CASK: variants seen among roughly 807,000 people sequenced by gnomAD.
CASK encodes calcium/calmodulin dependent serine protein kinase.
In CASK, 4 loss-of-function variants were observed where a neutral mutation model predicts 82.9. The observed-to-expected ratio is 0.05, with a 90% confidence interval of 0.02 to 0.11. CASK has a LOEUF of 0.11. CASK is among the 10% of genes least tolerant of loss of function. The pLI is 1.00. For missense variants in CASK, 358 were observed against 720.9 expected (o/e 0.50, Z 5.76); for synonymous variants, 259 against 253.5 (o/e 1.02, Z -0.20).
chrX:41,788,859 A>G (rs1416285007), intron 2 of CASK, among the ~76,000 whole-genome samples: 1 of 111,855 alleles, frequency 8.9e-6, no homozygotes, highest in Non-Finnish European at 1.9e-5. Context: ...TGTAATAATC[A>G]GTTAAAATTA....
intron 14 of CASK, chrX:41,584,735 C>G (rs2065632757): frequency 9.0e-6 from 1 of 111,300 alleles, no homozygotes; most frequent in African/African-American, 3.3e-5. Flanking sequence ...CGGATGGGTA[C>G]TGGTCAGTGG....
chrX:41,910,991 C>A (rs1459352741), intron 1 of CASK, among the ~76,000 whole-genome samples: 1 of 111,636 alleles, frequency 9.0e-6, no homozygotes, highest in East Asian at 2.8e-4. Flanking sequence ...TACATTCTCA[C>A]TTTAACCTGT....
intron 5 of CASK, among the ~76,000 whole-genome samples, chrX:41,724,737 C>T (rs1453253593): frequency 1.8e-5 from 2 of 111,886 alleles, no homozygotes; most frequent in East Asian, 5.6e-4. Context: ...GAGAGTCCTA[C>T]AGAGACTCAA....
chrX:41,904,310 T>C lies in CASK; in HGVS notation c.59+18620A>G, dbSNP rs191749601. On this transcript the variant is annotated intron_variant, in intron 1 of 26. Transcript: ENST00000378163. ...TCCAATGCAATATACATCATTCTAC[T>C]AGAATAAGTGAATCTAGCAAAGTTG... Among the ~76,000 whole-genome samples, 13 of 111,912 alleles carry C rather than the reference T, an allele frequency of 1.2e-4. 1 individual carries two copies. In the Admixed American group the frequency reaches 1.2e-3, roughly 11 times the overall value.
chrX:41,806,033 T>C (rs1420363425), intron 2 of CASK, among the ~76,000 whole-genome samples: 4 of 111,469 alleles, frequency 3.6e-5, no homozygotes, highest in African/African-American at 1.3e-4. Context: ...TCTTATGAGG[T>C]ACAGACATTA....
intron 1 of CASK, among the ~76,000 whole-genome samples, chrX:41,901,305 C>T (rs1276444169): frequency 9.1e-6 from 1 of 110,473 alleles, no homozygotes; most frequent in African/African-American, 3.3e-5. Context: ...CTTGTCTCTA[C>T]AAAAAATACA....
At chrX:41,824,796 C>A (rs955879837) in intron 2 of CASK, among the ~76,000 whole-genome samples, 6 of 111,426 alleles carry the variant, frequency 5.4e-5, no homozygotes, top group African/African-American at 1.6e-4. Flanking sequence ...TTTTCTTCAA[C>A]AAGGTTCAGA....
At chrX:41,580,429 C>T (rs760661032) in intron 14 of CASK, among the ~76,000 whole-genome samples, 8 of 111,265 alleles carry the variant, frequency 7.2e-5, no homozygotes, top group Admixed American at 1.9e-4. Flanking sequence ...AATTCACTCA[C>T]CCCGGCCTCC....
chrX:41,767,130 T>C (rs1165896121), intron 3 of CASK, among the ~76,000 whole-genome samples: 4 of 112,153 alleles, frequency 3.6e-5, no homozygotes, highest in Non-Finnish European at 7.5e-5. Flanking sequence ...TAATTTTAGA[T>C]TGACGTAAAA....
intron 14 of CASK, among the ~76,000 whole-genome samples, chrX:41,580,545 A>G (rs985190820): frequency 8.9e-6 from 1 of 111,848 alleles, no homozygotes; most frequent in African/African-American, 3.3e-5. Flanking sequence ...ACAATCATAA[A>G]ATAATACTCA....
intron 22 of CASK, among the ~76,000 whole-genome samples, chrX:41,541,789 T>A (rs1168800911): frequency 8.9e-6 from 1 of 112,151 alleles, no homozygotes; most frequent in Non-Finnish European, 1.9e-5. Flanking sequence ...TTGGGCCACA[T>A]TTCTAATTTT....
chrX:41,842,663 GC>G (rs1453340422), intron 2 of CASK, among the ~76,000 whole-genome samples: 1 of 110,817 alleles, frequency 9.0e-6, no homozygotes, highest in Non-Finnish European at 1.9e-5. Flanking sequence ...GGGGTACCTT[GC>G]TTTTCCATGT....
At chrX:41,673,528 G>A (rs903665784) in intron 5 of CASK, among the ~76,000 whole-genome samples, 2 of 112,004 alleles carry the variant, frequency 1.8e-5, no homozygotes, top group Non-Finnish European at 3.8e-5. Context: ...GTAAGGAGGT[G>A]TTATAGGGAT....
Position 41,885,583 on chromosome X carries a change from A to G in CASK, c.60-32356T>C, listed in dbSNP as rs771646953. ...TTGAACCTTAAGTTACTATGTGTAAATTATTAATAAATCTATAAGTAATTT... is the reference window on the plus strand; with the variant it reads ...TTGAACCTTAAGTTACTATGTGTAAGTTATTAATAAATCTATAAGTAATTT... On this transcript the variant is annotated intron_variant, in intron 1 of 26. Coordinates refer to ENST00000378163, the MANE Select transcript of CASK (RefSeq NM_001367721.1). Among the ~76,000 whole-genome samples the G allele has an allele frequency of 3.6e-5, 4 of 112,346 alleles. No individual in the cohort carries two copies. The South Asian group carries it at 1.5e-3, about 41-fold the overall frequency.
chrX:41,834,756 TTCTA>T (rs2070897284), intron 2 of CASK, among the ~76,000 whole-genome samples: 1 of 112,329 alleles, frequency 8.9e-6, no homozygotes, highest in East Asian at 2.8e-4. Flanking sequence ...TTATTATATT[TTCTA>T]TCTGACATGT....
chrX:41,640,671 T>C (rs1243766244), intron 8 of CASK, among the ~76,000 whole-genome samples: 3 of 112,028 alleles, frequency 2.7e-5, no homozygotes, highest in Non-Finnish European at 5.6e-5. Flanking sequence ...ATCTTCTTTG[T>C]TGAAGTATCT....
chrX:41,843,211 A>T (rs1208512014), intron 2 of CASK, among the ~76,000 whole-genome samples: 3 of 112,196 alleles, frequency 2.7e-5, no homozygotes, highest in Non-Finnish European at 5.6e-5. Context: ...TTGAATAAAC[A>T]TGTTGAGAAC....
chrX:41,811,381 AAACT>A (rs1265130530), intron 2 of CASK, among the ~76,000 whole-genome samples: 1 of 112,674 alleles, frequency 8.9e-6, no homozygotes, highest in Non-Finnish European at 1.9e-5. Context: ...AAATTATAAC[AAACT>A]GTCTCTCAGA....
chrX:41,592,508 A>G (rs1322857157), intron 12 of CASK, among the ~76,000 whole-genome samples: 1 of 111,415 alleles, frequency 9.0e-6, no homozygotes, highest in African/African-American at 3.3e-5. Context: ...TTACTATGTC[A>G]TATACAGTTC....
Sources: gnomAD v4.1 joint callset for allele counts (sites outside exome capture counted in the v4.1 genomes callset) on GRCh38, gnomAD v4.1.1 for gene constraint, MANE v1.5 for transcripts, NCBI Gene and HGNC (gene_info 2026-07-23, HGNC 2026-07-21) for gene names.